Variants in ADCYAP1R1 observed in about 807,000 individuals in gnomAD.
The protein encoded by ADCYAP1R1 is pituitary adenylate cyclase-activating polypeptide type I receptor.
Under a neutral mutation model 67.6 loss-of-function variants are expected in ADCYAP1R1, and 44 were observed. The ratio of observed to expected loss-of-function variants is 0.65; its 90% confidence interval spans 0.51 to 0.84. ADCYAP1R1 has a LOEUF of 0.84. Among genes scored for constraint, ADCYAP1R1 ranks in the 40% least tolerant of loss-of-function variants. ADCYAP1R1 has a pLI of 0.00. For synonymous variants in ADCYAP1R1, 222 were observed against 219.6 expected (o/e 1.01, Z -0.10); for missense variants, 477 against 587.9 (o/e 0.81, Z 1.95).
chr7:31,100,313 TC>T, intron 13 of ADCYAP1R1: 2 of 924,488 alleles, frequency 2.2e-6, no homozygotes, highest in African/African-American at 3.7e-5. Context: ...AGCCTCTGCC[TC>T]CCAGCCCCAA....
chr7:31,064,922 A>C lies in ADCYAP1R1; in HGVS notation c.143A>C (p.Asn48Thr), dbSNP rs147771998. ...AGGGCCAATGAGCTGATGGGCTTCAATGATTCCTCTCCAGGTGAGCGGGGC... is the reference window on the plus strand; with the variant it reads ...AGGGCCAATGAGCTGATGGGCTTCACTGATTCCTCTCCAGGTGAGCGGGGC... ...IQRANELMGF[N>T]DSSPGCPGMW... The change falls in exon 3 of 16, where the codon AAT (asparagine) becomes ACT (threonine). Residue 48 changes from asparagine to threonine, a missense_variant. Asn to Thr is a moderately conservative substitution (Grantham distance 65). Coordinates refer to ENST00000304166, the MANE Select transcript of ADCYAP1R1 (RefSeq NM_001118.5). 6 of 1,609,680 alleles carry C rather than the reference A, an allele frequency of 3.7e-6. No homozygotes were observed. The highest frequency in any genetic ancestry group is 5.1e-6 in the Non-Finnish European group (6 of 1,177,694).
rs1346459682 is a variant in ADCYAP1R1, at chr7:31,102,022, T to A, written c.1047-1215T>A. 1.3e-5 allele frequency among the ~76,000 whole-genome samples: 2 copies of A among 152,126 alleles called. No homozygotes were observed. Among genetic ancestry groups the A allele is most frequent in the African/African-American group, 4.8e-5 (2 of 41,426 alleles). ...CCTGTGTCTCCTCCTTCCTTCCTTC[T>A]CCTCTCTGAATGTAAGCTAGGAAGT... On this transcript the variant is annotated intron_variant, in intron 13 of 15. Coordinates refer to ENST00000304166, the MANE Select transcript of ADCYAP1R1 (RefSeq NM_001118.5). This position sits in a 1 kb window ranked among gnomAD's most constrained non-coding sequence, Gnocchi z 4.3.
intron 5 of ADCYAP1R1, 88 bp from the exon 6 acceptor site, chr7:31,081,625 G>T: frequency 9.2e-7 from 1 of 1,081,774 alleles, no homozygotes; most frequent in South Asian, 1.7e-5. Flanking sequence ...GTAGACCAGG[G>T]GTAGCCTGAG....
At chr7:31,097,450 C>A (rs1242845319) in intron 13 of ADCYAP1R1, among the ~76,000 whole-genome samples, 1 of 152,148 alleles carries the variant, frequency 6.6e-6, no homozygotes, top group Non-Finnish European at 1.5e-5. Flanking sequence ...TTCCATGAGT[C>A]CTTTTGTGCA....
chr7:31,089,423 G>GTT (rs34984750), intron 12 of ADCYAP1R1, among the ~76,000 whole-genome samples: 8 of 127,518 alleles, frequency 6.3e-5, no homozygotes, highest in Middle Eastern at 4.2e-3. Flanking sequence ...GCTTGTTTCA[G>GTT]TTTTTTTTTT....
intron 3 of ADCYAP1R1, among the ~76,000 whole-genome samples, chr7:31,067,773 C>T (rs1794803959): frequency 6.6e-6 from 1 of 152,162 alleles, no homozygotes; most frequent in African/African-American, 2.4e-5. Context: ...AAAAATGATA[C>T]CTACCACATA....
At position 31,087,629 on chromosome 7, in the gene ADCYAP1R1, G is replaced by T; in HGVS notation, c.887G>T (p.Cys296Phe). 6.2e-7 allele frequency: 1 copy of T among 1,613,862 alleles called. No individual in the cohort carries two copies. Among genetic ancestry groups the T allele is most frequent in the Non-Finnish European group, 8.5e-7 (1 of 1,179,882 alleles). The change falls in exon 12 of 16, where the codon TGC (cysteine) becomes TTC (phenylalanine). Residue 296 changes from cysteine (C) to phenylalanine (F), a missense_variant and splice_region_variant. Cys to Phe is a radical substitution (Grantham distance 205, BLOSUM62 -2). Coordinates refer to ENST00000304166, the MANE Select transcript of ADCYAP1R1 (RefSeq NM_001118.5). ...TLRLYFDDTG[C>F]WDMNDSTALW... Reference sequence around the variant, plus strand: ...GCTTCTCTCTGTCCATCTTTCAGCTGCTGGGATATGAATGACAGCACAGCT... The same window carrying T: ...GCTTCTCTCTGTCCATCTTTCAGCTTCTGGGATATGAATGACAGCACAGCT...
intron 3 of ADCYAP1R1, among the ~76,000 whole-genome samples, chr7:31,069,357 A>C (rs1794879288): frequency 6.6e-6 from 1 of 152,208 alleles, no homozygotes; most frequent in Non-Finnish European, 1.5e-5. Context: ...GTCCCCAAGC[A>C]CACACGCCAT....
intron 3 of ADCYAP1R1, among the ~76,000 whole-genome samples, chr7:31,070,535 C>T (rs531627811): frequency 1.5e-4 from 23 of 152,202 alleles, no homozygotes; most frequent in Non-Finnish European, 2.8e-4. Flanking sequence ...GAAGGAAGCA[C>T]ATCAGGGCTG....
intron 3 of ADCYAP1R1, among the ~76,000 whole-genome samples, chr7:31,070,688 C>T (rs1320090724): frequency 1.3e-5 from 2 of 152,228 alleles, no homozygotes; most frequent in Non-Finnish European, 2.9e-5. Context: ...CGCTGTCTGA[C>T]ACAGGGTGTC....
chr7:31,101,078 G>A (rs554985948), intron 13 of ADCYAP1R1, among the ~76,000 whole-genome samples: 58 of 152,322 alleles, frequency 3.8e-4, no homozygotes, highest in Non-Finnish European at 7.5e-4. Context: ...CTGGGCTCTA[G>A]AGACTCCTTG....
At chr7:31,076,523 C>G (rs1795225247) in intron 3 of ADCYAP1R1, among the ~76,000 whole-genome samples, 1 of 152,172 alleles carries the variant, frequency 6.6e-6, no homozygotes, top group Non-Finnish European at 1.5e-5. Flanking sequence ...AATGAGGCAC[C>G]AAATCTTGGG....
chr7:31,080,205 G>C (rs1795457393), intron 4 of ADCYAP1R1, among the ~76,000 whole-genome samples: 1 of 152,168 alleles, frequency 6.6e-6, no homozygotes, highest in Non-Finnish European at 1.5e-5. Flanking sequence ...GATTCTTAAT[G>C]GTTCATTAAG....
rs964158144 is a variant in ADCYAP1R1, at chr7:31,109,677, C to A, written c.*2993C>A. 6.6e-6 allele frequency: 1 copy of A among 152,204 alleles called. No homozygotes were observed. Among genetic ancestry groups the A allele is most frequent in the East Asian group, 1.9e-4 (1 of 5,176 alleles). 9.4% of individuals were successfully genotyped at this position (152,204 alleles called of 1,614,324 possible). A position where few individuals can be genotyped will look rare whatever the true frequency, so the allele number is the denominator to read the frequency against. On this transcript the variant is annotated 3_prime_UTR_variant, in exon 16 of 16. Coordinates refer to ENST00000304166, the MANE Select transcript of ADCYAP1R1 (RefSeq NM_001118.5). ...CTTGGGATGAAGAAATTTCTCTTTC[C>A]CTGTCATGAGTGTCCAGCCAGGGAG...
intron 3 of ADCYAP1R1, 67 bp downstream of exon 3, chr7:31,065,003 C>A: frequency 8.0e-7 from 1 of 1,247,694 alleles, no homozygotes; most frequent in South Asian, 1.4e-5. Flanking sequence ...TTCCTGTGCT[C>A]AGGCTCGGCC....
At position 31,080,623 on chromosome 7, in the gene ADCYAP1R1, C is replaced by T. The variant is rs759799838; in HGVS notation, c.276C>T (p.Thr92=). The change falls in exon 5 of 16, where the codon ACC becomes ACT. Residue 92 remains threonine, a synonymous_variant. Transcript: ENST00000304166. The stretch of plus-strand genomic sequence containing the variant: ...TTCTCTCTGTTTCAGTCTGGGAGAC[C>T]GAAACCATTGGTAAGAGGAACCTTG... ...RIFNPDQVWE[T]ETIGESDFGD... 20 of 1,613,600 alleles carry T rather than the reference C, an allele frequency of 1.2e-5. No homozygotes were observed. The highest frequency in any genetic ancestry group is 1.5e-5 in the Non-Finnish European group (18 of 1,179,980).
chr7:31,057,674 T>G (rs1252817139), intron 1 of ADCYAP1R1, among the ~76,000 whole-genome samples: 2 of 152,180 alleles, frequency 1.3e-5, no homozygotes, highest in Non-Finnish European at 2.9e-5. Flanking sequence ...GGGTTTCCCC[T>G]CCTTCCCTGC....
At chr7:31,063,089 C>A in intron 1 of ADCYAP1R1, 105 bp from the exon 2 acceptor site, 3 of 661,584 alleles carry the variant, frequency 4.5e-6, no homozygotes, top group Admixed American at 2.6e-5. Context: ...TCCTTGGAGG[C>A]TGAGAGCCGT....
intron 15 of ADCYAP1R1, 150 bp downstream of exon 15, chr7:31,105,059 C>T: frequency 1.2e-6 from 1 of 823,438 alleles, no homozygotes; most frequent in Non-Finnish European, 2.1e-6. Flanking sequence ...GGTCATACAG[C>T]TCCTGGCATT....
Sources: gnomAD v4.1 joint callset for allele counts (sites outside exome capture counted in the v4.1 genomes callset) on GRCh38, gnomAD v4.1.1 for gene constraint, Gnocchi (gnomAD v3.1) non-coding constraint, MANE v1.5 for transcripts, NCBI Gene and HGNC (gene_info 2026-07-23, HGNC 2026-07-21) for gene names.